The following MYH16 variants were observed in gnomAD, a reference collection of about 807,000 sequenced individuals.
MYH16 encodes myosin heavy chain 16, also known as putative uncharacterized protein MYH16.
chr7:99,259,151 G>A (rs1272619866), intron 11 of MYH16, among the ~76,000 whole-genome samples: 1 of 152,138 alleles, frequency 6.6e-6, no homozygotes, highest in East Asian at 1.9e-4. Flanking sequence ...TTTGGGTGGG[G>A]ACATACAGCC....
chr7:99,276,207 C>A (rs532792165), intron 20 of MYH16, among the ~76,000 whole-genome samples: 1 of 152,306 alleles, frequency 6.6e-6, no homozygotes, highest in East Asian at 1.9e-4. Context: ...CCTTTTCATG[C>A]CAGCTTTGCC....
chr7:99,279,133 G>A (rs879457762), intron 21 of MYH16, among the ~76,000 whole-genome samples: 1 of 152,116 alleles, frequency 6.6e-6, no homozygotes, highest in African/African-American at 2.4e-5. Flanking sequence ...CGAGGCTGCA[G>A]TGAGCCATGA....
intron 20 of MYH16, among the ~76,000 whole-genome samples, chr7:99,276,941 G>A (rs760780799): frequency 6.6e-6 from 1 of 151,966 alleles, no homozygotes; most frequent in Non-Finnish European, 1.5e-5. Flanking sequence ...GAAAGAGACA[G>A]AGAGAAAGAC....
At chr7:99,263,138 A>G (rs1791953853) in intron 13 of MYH16, among the ~76,000 whole-genome samples, 1 of 152,150 alleles carries the variant, frequency 6.6e-6, no homozygotes, top group Non-Finnish European at 1.5e-5. Context: ...GGAGCCTCCA[A>G]CTCAGATGGG....
At chr7:99,274,023 G>C (rs1363871834) in intron 20 of MYH16, among the ~76,000 whole-genome samples, 1 of 152,212 alleles carries the variant, frequency 6.6e-6, no homozygotes, top group African/African-American at 2.4e-5. Flanking sequence ...AAAAAAGTGA[G>C]CTTGATTATT....
chr7:99,243,328 C>T (rs1410108566), exon 2 of MYH16: 1 of 152,976 alleles, frequency 6.5e-6, no homozygotes. Flanking sequence ...CACCCAAATT[C>T]TACCAGGCCA....
At chr7:99,268,566 G>A (rs1584346020) in intron 18 of MYH16, among the ~76,000 whole-genome samples, 1 of 152,206 alleles carries the variant, frequency 6.6e-6, no homozygotes, top group East Asian at 1.9e-4. Context: ...GTCAGTTCCA[G>A]GGGAAGGCCC....
exon 31 of MYH16, chr7:99,291,350 A>G (rs1483064692): frequency 3.7e-5 from 17 of 456,622 alleles, no homozygotes; most frequent in Non-Finnish European, 7.5e-5. Context: ...AGCAGGGAAT[A>G]TGAAGAGTCC....
At chr7:99,269,280 T>C (rs1445743123) in intron 18 of MYH16, among the ~76,000 whole-genome samples, 2 of 151,802 alleles carry the variant, frequency 1.3e-5, no homozygotes, top group African/African-American at 4.8e-5. Flanking sequence ...TCTCTTTTTT[T>C]TTTTTTTTCT....
chr7:99,261,437 G>C (rs1791936086), intron 12 of MYH16: 1 of 153,794 alleles, frequency 6.5e-6, no homozygotes, highest in African/African-American at 2.4e-5. Context: ...ACATCACCCT[G>C]TTCTCTTCCT....
In MYH16 at chr7:99,291,697, A is replaced by G. The variant is rs548329507; in HGVS notation, n.3952+247A>G. 5.8e-3 allele frequency among the ~76,000 whole-genome samples: 816 copies of G among 141,302 alleles called. 6 individuals carry two copies. The highest frequency in any genetic ancestry group is 0.021 in the African/African-American group (789 of 38,382). The allele number at this position is 141,302 out of a possible 152,430, so 92.7% of individuals were successfully genotyped here. On this transcript the variant is annotated intron_variant and non_coding_transcript_variant, in intron 31 of 41. Coordinates refer to ENST00000439784, the Ensembl canonical transcript of MYH16. ...AAAGCTGCTGGGCATGGTGGCTCAC[A>G]CCTGTAATCCCAGCACTTTGACAGG...
chr7:99,289,757 AG>A (rs1792341988), intron 30 of MYH16, among the ~76,000 whole-genome samples: 1 of 152,230 alleles, frequency 6.6e-6, no homozygotes, highest in African/African-American at 2.4e-5. Context: ...TGAGGGAGCC[AG>A]AAAAATGGTA....
rs1049892405 is a variant in MYH16, at chr7:99,277,528, T to C, written n.2486-11T>C. ...TTCTCCTAACACTCTTTGGTGTTGC[T>C]CATTGCCCAGGTCAAGCCACTCCTG... On this transcript the variant is annotated splice_polypyrimidine_tract_variant and intron_variant and non_coding_transcript_variant, in intron 20 of 41. Coordinates refer to ENST00000439784, the Ensembl canonical transcript of MYH16. The C allele has an allele frequency of 2.2e-6, 1 of 456,024 alleles. No individual in the cohort carries two copies. Among genetic ancestry groups the C allele is most frequent in the East Asian group, 6.9e-5 (1 of 14,398 alleles). The allele number at this position is 456,024 out of a possible 1,614,324, so 28.2% of individuals were successfully genotyped here.
chr7:99,289,292 C>T (rs1792334906), exon 30 of MYH16: 2 of 421,570 alleles, frequency 4.7e-6, no homozygotes, highest in South Asian at 3.4e-5. Flanking sequence ...AGCAGATGAA[C>T]GCCGAGGCCC....
At chr7:99,247,142 A>G (rs73405169) in intron 2 of MYH16, among the ~76,000 whole-genome samples, 15,074 of 152,240 alleles carry the variant, frequency 0.099, 1,015 homozygotes, top group African/African-American at 0.19. Context: ...TCAGATAGTC[A>G]TAAGATTTTG....
intron 8 of MYH16, among the ~76,000 whole-genome samples, chr7:99,255,288 A>G (rs746652706): frequency 7.9e-5 from 12 of 151,884 alleles, no homozygotes; most frequent in Non-Finnish European, 1.8e-4. Context: ...TTTTAAAATA[A>G]ATAAGTAACA....
At chr7:99,283,411 C>T (rs1792229420) in intron 23 of MYH16, among the ~76,000 whole-genome samples, 154 bp from the exon 6 acceptor site, 1 of 152,214 alleles carries the variant, frequency 6.6e-6, no homozygotes. Context: ...TTACCCAGCG[C>T]CCAGGAGCAG....
In MYH16 at chr7:99,301,595, C is replaced by T. The variant is rs528259547; in HGVS notation, n.4934-6C>T. 2 of 153,162 alleles carry T rather than the reference C, an allele frequency of 1.3e-5. No individual in the cohort carries two copies. The highest frequency in any genetic ancestry group is 4.1e-4 in the South Asian group (2 of 4,848). 9.5% of individuals were successfully genotyped at this position (153,162 alleles called of 1,614,324 possible). A position where few individuals can be genotyped will look rare whatever the true frequency, so the allele number is the denominator to read the frequency against. ...TGGGCTGAGGCTGGGTCCCTGTGCC[C>T]CCCAGGACCTGCAGGTCCAGATGGA... On this transcript the variant is annotated splice_region_variant and splice_polypyrimidine_tract_variant and intron_variant and non_coding_transcript_variant, in intron 37 of 41. Transcript: ENST00000439784.
chr7:99,261,127 A>G (rs1163827654), intron 12 of MYH16: 1 of 151,340 alleles, frequency 6.6e-6, no homozygotes, highest in Non-Finnish European at 1.5e-5. Flanking sequence ...TGACTTCCCC[A>G]TTTTTCAGAA....
Sources: allele counts gnomAD v4.1 joint callset (sites outside exome capture counted in the v4.1 genomes callset), GRCh38; gene constraint gnomAD v4.1.1; transcripts MANE v1.5; gene names NCBI Gene and HGNC (gene_info 2026-07-23, HGNC 2026-07-21).